KCNJ5: variants seen among roughly 807,000 people sequenced by gnomAD.
KCNJ5 encodes G protein-activated inward rectifier potassium channel 4.
In KCNJ5, 12 loss-of-function variants were observed where a neutral mutation model predicts 20.2. That is an observed-to-expected ratio of 0.59 (90% CI 0.38 to 0.96). KCNJ5 has a LOEUF of 0.96. Among genes scored for constraint, KCNJ5 ranks in the 40% least tolerant of loss-of-function variants. The probability of loss-of-function intolerance (pLI) is 0.00; values close to 1 mark genes in which losing one functional copy is unlikely to be tolerated. For synonymous variants in KCNJ5, 210 were observed against 213.9 expected, an observed-to-expected ratio of 0.98 and a Z score of 0.16; for missense variants, 449 against 557.6, an observed-to-expected ratio of 0.81 and a Z score of 1.96.
chr11:128,905,785 G>C (rs904208879), intron 1 of KCNJ5: 1 of 152,538 alleles, frequency 6.6e-6, no homozygotes, highest in Non-Finnish European at 1.5e-5. Context: ...ACGGGTTCCC[G>C]GTCTCGTAGA....
In KCNJ5 at chr11:128,912,135, G is replaced by C; in HGVS notation, c.862G>C (p.Glu288Gln). 6.2e-7 allele frequency: 1 copy of C among 1,612,706 alleles called. No homozygotes were observed. Among genetic ancestry groups the C allele is most frequent in the African/African-American group, 1.3e-5 (1 of 75,070 alleles). Residue 288 changes from glutamate to glutamine, a missense_variant, in exon 2 of 3, where the codon GAG becomes CAG. Transcript: ENST00000529694. Reference sequence around the variant, plus strand: ...GATCAACCAGAAGAGCCCTTTCTGGGAGATGTCTCAGGCTCAGCTGCATCA... The same window carrying C: ...GATCAACCAGAAGAGCCCTTTCTGGCAGATGTCTCAGGCTCAGCTGCATCA... Reference protein sequence around the residue: ...HEINQKSPFWEMSQAQLHQEE... With the variant: ...HEINQKSPFWQMSQAQLHQEE...
Position 128,911,901 on chromosome 11 carries a change from A to T in KCNJ5, c.628A>T (p.Met210Leu), listed in dbSNP as rs1191823762. 4 of 1,607,096 alleles carry T rather than the reference A, an allele frequency of 2.5e-6. No individual in the cohort carries two copies. Among genetic ancestry groups the T allele is most frequent in the Non-Finnish European group, 2.6e-6 (3 of 1,174,938 alleles). ...GTTTTCCAACAACGCAGTCATCTCC[A>T]TGCGGGACGAGAAGCTGTGCCTCAT... ...LMFSNNAVIS[M>L]RDEKLCLMFR... The change falls in exon 2 of 3, where the codon ATG becomes TTG. Residue 210 changes from methionine to leucine, a missense_variant. Met to Leu is a conservative substitution (Grantham distance 15). Around this residue, in one of 5 missense-constraint regions of KCNJ5, gnomAD observed 145 missense variants for 166.2 expected, o/e 0.87. Transcript: ENST00000529694. The surrounding 1 kb of genome is among the most constrained non-coding windows in gnomAD (Gnocchi z 6.3).
rs1944078695 is a variant in KCNJ5 at position 128,891,400 on chromosome 11, A to ACG, written c.-331_-330insGC. ...GGAGAGAGGAGAGGGAGGAGGGGAC[A>ACG]CACACACACACACACACACACACAC... is the stretch of plus-strand genomic sequence containing the variant. On this transcript the variant is annotated 5_prime_UTR_variant, in exon 1 of 3. Transcript: ENST00000529694. 1 of 54,502 alleles carries ACG rather than the reference A, an allele frequency of 1.8e-5. No individual in the cohort carries two copies. The highest frequency in any genetic ancestry group is 3.3e-5 in the Non-Finnish European group (1 of 30,534). The allele number at this position is 54,502 out of a possible 1,614,324, so 3.4% of individuals were successfully genotyped here.
At chr11:128,912,507 T>TTGTTG (rs1555145189) in intron 2 of KCNJ5, among the ~76,000 whole-genome samples, 1 of 151,366 alleles carries the variant, frequency 6.6e-6, no homozygotes, top group East Asian at 2.0e-4. Context: ...GTTGTTGTTG[T>TTGTTG]TTTGTTTATT....
rs1214176390 is a variant in KCNJ5 at position 128,891,431 on chromosome 11, C to CAGAGAGAGAGAG, written c.-300_-299insGAGAGAGAGAGA. On this transcript the variant is annotated 5_prime_UTR_variant, in exon 1 of 3. Coordinates refer to ENST00000529694, the MANE Select transcript of KCNJ5 (RefSeq NM_000890.5). ...ACACACACACACACACACACACACACACACACACACAGAGAGAGAGAGAGA... is the reference window on the plus strand; with the variant it reads ...ACACACACACACACACACACACACACAGAGAGAGAGAGACACACACACAGAGAGAGAGAGAGA... 16 of 92,738 alleles carry CAGAGAGAGAGAG rather than the reference C, an allele frequency of 1.7e-4. No homozygotes were observed. The highest frequency in any genetic ancestry group is 1.5e-3 in the East Asian group (4 of 2,662). The allele number at this position is 92,738 out of a possible 1,614,324, so 5.7% of individuals were successfully genotyped here. A position where few individuals can be genotyped will look rare whatever the true frequency, so the allele number is the denominator to read the frequency against.
In KCNJ5 at chr11:128,918,159, C is replaced by T. The variant is rs1944616251; in HGVS notation, c.*1428C>T. 6.6e-6 allele frequency: 1 copy of T among 152,236 alleles called. No homozygotes were observed. The highest frequency in any genetic ancestry group is 6.5e-5 in the Admixed American group (1 of 15,278). 9.4% of individuals were successfully genotyped at this position (152,236 alleles called of 1,614,324 possible). A position where few individuals can be genotyped will look rare whatever the true frequency, so the allele number is the denominator to read the frequency against. On this transcript the variant is annotated 3_prime_UTR_variant, in exon 3 of 3. Transcript: ENST00000529694. ...AGTTCAGCCTGAGCCAAGCTCCCAG[C>T]CCACTGCTGAAAAGCCCCTGGGCCT...
intron 1 of KCNJ5, among the ~76,000 whole-genome samples, chr11:128,894,036 C>T (rs1213711237): frequency 1.3e-5 from 2 of 152,222 alleles, no homozygotes; most frequent in African/African-American, 2.4e-5. Flanking sequence ...AGTAAACCCC[C>T]AAGGAGGGAA....
rs560507969 is a variant in KCNJ5 at position 128,913,864 on chromosome 11, C to T, written c.937+1654C>T. Among the ~76,000 whole-genome samples, 23 of 152,326 alleles carry T rather than the reference C, an allele frequency of 1.5e-4. No homozygotes were observed. In the South Asian group the frequency reaches 2.7e-3, roughly 18 times the overall value. ...GCGGCCTGTCAGGAAGATGGCCAAGCACACATTCCAGCCCCCAGGAAGCTG... is the reference window on the plus strand; with the variant it reads ...GCGGCCTGTCAGGAAGATGGCCAAGTACACATTCCAGCCCCCAGGAAGCTG... On this transcript the variant is annotated intron_variant, in intron 2 of 2. Transcript: ENST00000529694.
intron 1 of KCNJ5, among the ~76,000 whole-genome samples, chr11:128,893,124 G>C (rs1319375372): frequency 6.6e-6 from 1 of 152,232 alleles, no homozygotes; most frequent in African/African-American, 2.4e-5. Context: ...ACAGGGCAGA[G>C]CAAATGATGT....
At position 128,911,245 on chromosome 11, in the gene KCNJ5, G is replaced by T. The variant is rs145123054; in HGVS notation, c.-10-19G>T. ...ATCAGAACAGCCCACTTCACTGATGGTGTCTTTTTAACTCAAAGCATCCCA... is the reference window on the plus strand; with the variant it reads ...ATCAGAACAGCCCACTTCACTGATGTTGTCTTTTTAACTCAAAGCATCCCA... On this transcript the variant is annotated intron_variant, in intron 1 of 2. Coordinates refer to ENST00000529694, the MANE Select transcript of KCNJ5 (RefSeq NM_000890.5). The surrounding 1 kb of genome is among the most constrained non-coding windows in gnomAD (Gnocchi z 6.3). 4.4e-6 allele frequency: 7 copies of T among 1,597,894 alleles called. No individual in the cohort carries two copies. The South Asian group carries it at 6.6e-5, about 15-fold the overall frequency.
chr11:128,915,341 G>A (rs1025978234), intron 2 of KCNJ5, among the ~76,000 whole-genome samples: 6 of 152,222 alleles, frequency 3.9e-5, no homozygotes, highest in African/African-American at 1.4e-4. Context: ...AAGAAGCCAA[G>A]CTCTGTGTGT....
At chr11:128,916,270 A>ATGGATGGATGGG in intron 2 of KCNJ5, 139 bp from the exon 3 acceptor site, 1 of 703,874 alleles carries the variant, frequency 1.4e-6, no homozygotes. Context: ...GGATGGATGG[A>ATGGATGGATGGG]TGGATGGATG....
intron 2 of KCNJ5, 150 bp downstream of exon 2, chr11:128,912,360 A>C: frequency 1.4e-6 from 1 of 726,366 alleles, no homozygotes; most frequent in Non-Finnish European, 2.5e-6. Context: ...TTTGAGGGGT[A>C]CTGGTACTCA....
At position 128,920,657 on chromosome 11, in the gene KCNJ5, T is replaced by G. The variant is rs75949594; in HGVS notation, c.*3926T>G. 6.6e-6 allele frequency: 1 copy of G among 152,198 alleles called. No homozygotes were observed. The highest frequency in any genetic ancestry group is 1.5e-5 in the Non-Finnish European group (1 of 68,030). 9.4% of individuals were successfully genotyped at this position (152,198 alleles called of 1,614,324 possible). On this transcript the variant is annotated 3_prime_UTR_variant, in exon 3 of 3. Coordinates refer to ENST00000529694, the MANE Select transcript of KCNJ5 (RefSeq NM_000890.5). ...CACTGCCGAGAAGCTCTTACCAACG[T>G]GACAGTTGAGGCTGAGAGAGGTTCA...
At chr11:128,906,235 A>C (rs531563811) in intron 1 of KCNJ5, among the ~76,000 whole-genome samples, 4 of 152,208 alleles carry the variant, frequency 2.6e-5, no homozygotes, top group Non-Finnish European at 5.9e-5. Context: ...TAGAGAAGTA[A>C]CTTTTCCAAA....
At chr11:128,894,576 G>GA (rs1469149795) in intron 1 of KCNJ5, among the ~76,000 whole-genome samples, 6 of 152,216 alleles carry the variant, frequency 3.9e-5, no homozygotes, top group Non-Finnish European at 2.9e-5. Context: ...ATTTTCTAAA[G>GA]AAAAAAACAA....
chr11:128,902,227 C>T (rs548745662), intron 1 of KCNJ5: 7 of 395,234 alleles, frequency 1.8e-5, no homozygotes, highest in African/African-American at 1.4e-4. Context: ...GATGCCCTCA[C>T]CGCTGGTAAT....
At position 128,911,351 on chromosome 11, in the gene KCNJ5, A is replaced by G; in HGVS notation, c.78A>G (p.Pro26=). The G allele has an allele frequency of 1.2e-6, 2 of 1,614,202 alleles. No individual in the cohort carries two copies. The highest frequency in any genetic ancestry group is 1.1e-5 in the South Asian group (1 of 91,082). The change falls in exon 2 of 3, where the codon CCA becomes CCG. Residue 26 remains proline, a synonymous_variant. Transcript: ENST00000529694. The surrounding 1 kb of genome is among the most constrained non-coding windows in gnomAD (Gnocchi z 6.3). The stretch of plus-strand genomic sequence containing the variant: ...CTCCCTGGGACCCCAAGAAGATTCC[A>G]AAACAGGCCCGCGATTATGTCCCCA... The part of the protein sequence containing the change: ...GVTPWDPKKI[P]KQARDYVPIA...
intron 1 of KCNJ5, among the ~76,000 whole-genome samples, chr11:128,898,620 T>C (rs2135984391): frequency 6.6e-6 from 1 of 152,392 alleles, no homozygotes; most frequent in Middle Eastern, 3.4e-3. Flanking sequence ...TCTTTCCTTT[T>C]TGTCCTTTGC....
Sources: allele counts gnomAD v4.1 joint callset (sites outside exome capture counted in the v4.1 genomes callset), GRCh38; gene constraint gnomAD v4.1.1; regional missense constraint gnomAD v4.1.1; non-coding constraint Gnocchi (gnomAD v3.1); transcripts MANE v1.5; gene names NCBI Gene and HGNC (gene_info 2026-07-23, HGNC 2026-07-21).